The following MYCBP2 variants were observed in gnomAD, a reference collection of about 807,000 sequenced individuals.
MYCBP2 encodes the protein MYC binding protein 2.
Under a neutral mutation model 525.3 loss-of-function variants are expected in MYCBP2, and 120 were observed. That is an observed-to-expected ratio of 0.23 (90% CI 0.20 to 0.27). The LOEUF is 0.27. MYCBP2 is among the 10% of genes least tolerant of loss of function. The pLI, the probability that MYCBP2 is intolerant of heterozygous loss-of-function variation, is 1.00. For synonymous variants in MYCBP2, 1,894 were observed against 1,955.8 expected (o/e 0.97, Z 0.83); for missense variants, 4,149 against 5,657.1 (o/e 0.73, Z 8.55).
chr13:77,097,872 T>A lies in MYCBP2; in HGVS notation c.9282A>T (p.Ser3094=), dbSNP rs2046483902. 1.6e-5 allele frequency: 26 copies of A among 1,613,130 alleles called. No homozygotes were observed. Among genetic ancestry groups the A allele is most frequent in the Non-Finnish European group, 2.2e-5 (26 of 1,179,742 alleles). The stretch of plus-strand genomic sequence containing the variant: ...CAATATTAAACATATTCAGTGCAGA[T>A]GATATTTCTAATGAATGTCTATTTT... ...KLKNRHSLEI[S]SALNMFNIAP... is the part of the protein sequence containing the mutation. Residue 3094 remains serine (S), a synonymous_variant, in exon 56 of 83, where the codon TCA becomes TCT. Coordinates refer to ENST00000544440, the MANE Select transcript of MYCBP2 (RefSeq NM_015057.5).
At chr13:77,235,158 C>T (rs2067719258) in intron 17 of MYCBP2, among the ~76,000 whole-genome samples, 1 of 151,818 alleles carries the variant, frequency 6.6e-6, no homozygotes, top group African/African-American at 2.4e-5. Context: ...GACAAAGATA[C>T]AGGTCTCACT....
intron 1 of MYCBP2, among the ~76,000 whole-genome samples, chr13:77,324,271 C>A (rs889469764): frequency 2.6e-5 from 4 of 152,196 alleles, no homozygotes. Context: ...AATTTTGATT[C>A]CGTTTCCTTC....
At chr13:77,287,531 C>T (rs998967511) in intron 3 of MYCBP2, among the ~76,000 whole-genome samples, 1 of 152,018 alleles carries the variant, frequency 6.6e-6, no homozygotes, top group Non-Finnish European at 1.5e-5. Context: ...AGTTTATATG[C>T]TCCTGGTAAA....
At chr13:77,078,441 A>G (rs2042705412) in intron 66 of MYCBP2, among the ~76,000 whole-genome samples, 1 of 152,232 alleles carries the variant, frequency 6.6e-6, no homozygotes, top group Non-Finnish European at 1.5e-5. Context: ...TATAAGTGTT[A>G]TAACAGACAG....
At chr13:77,097,262 AC>A (rs2046405093) in intron 56 of MYCBP2, 107 bp downstream of exon 56, 2 of 1,408,466 alleles carry the variant, frequency 1.4e-6, no homozygotes, top group South Asian at 3.0e-5. Flanking sequence ...ATTCTAAGAT[AC>A]TATAAATTCC....
At position 77,278,743 on chromosome 13, in the gene MYCBP2, A is replaced by C. The variant is rs2075884740; in HGVS notation, c.748+15T>G. 1.3e-6 allele frequency: 2 copies of C among 1,490,232 alleles called. No individual in the cohort carries two copies. Among genetic ancestry groups the C allele is most frequent in the African/African-American group, 2.9e-5 (2 of 69,722 alleles). The allele number at this position is 1,490,232 out of a possible 1,614,324, so 92.3% of individuals were successfully genotyped here. On this transcript the variant is annotated intron_variant, in intron 4 of 82. Coordinates refer to ENST00000544440, the MANE Select transcript of MYCBP2 (RefSeq NM_015057.5). ...TCACTTTTAAATGCTTCACTGAATG[A>C]GCCTTGGCTCTTACCTAGGACCTCA...
intron 13 of MYCBP2, among the ~76,000 whole-genome samples, chr13:77,259,229 C>T (rs2072798756): frequency 6.6e-6 from 1 of 151,930 alleles, no homozygotes; most frequent in African/African-American, 2.4e-5. Flanking sequence ...TGTGCCACTG[C>T]ACTCCAGCCT....
Position 77,081,665 on chromosome 13 carries a change from ATAT to A in MYCBP2, c.11194-17_11194-15del, listed in dbSNP as rs759474162. The A allele has an allele frequency of 1.3e-6, 2 of 1,587,992 alleles. No homozygotes were observed. Among genetic ancestry groups the A allele is most frequent in the Non-Finnish European group, 1.7e-6 (2 of 1,166,614 alleles). ...TATGCATAATTCCTATCAGAAACAA[ATAT>A]AAGTACTTATGATACTTAAAAGCAA... On this transcript the variant is annotated splice_polypyrimidine_tract_variant and intron_variant, in intron 64 of 82. Transcript: ENST00000544440. The surrounding 1 kb of genome is among the most constrained non-coding windows in gnomAD (Gnocchi z 4.6).
At chr13:77,146,246 C>T (rs181683754) in intron 47 of MYCBP2, 29 bp from the exon 48 acceptor site, 11 of 1,465,796 alleles carry the variant, frequency 7.5e-6, no homozygotes, top group South Asian at 5.3e-5. Flanking sequence ...TCTGAACAAT[C>T]GTAAAATCAT....
At chr13:77,066,600 A>T (rs2040243598) in intron 71 of MYCBP2, among the ~76,000 whole-genome samples, 1 of 152,246 alleles carries the variant, frequency 6.6e-6, no homozygotes, top group East Asian at 1.9e-4. Flanking sequence ...ATCCTTGCAT[A>T]TATACCTTGG....
intron 56 of MYCBP2, 59 bp from the exon 57 acceptor site, chr13:77,096,540 C>T: frequency 6.5e-7 from 1 of 1,540,448 alleles, no homozygotes; most frequent in Non-Finnish European, 8.8e-7. Context: ...TAGTTTGATC[C>T]TTATTACTCA....
At chr13:77,076,699 G>GA (rs1279951963) in intron 68 of MYCBP2, 52 bp downstream of exon 68, 10 of 1,140,436 alleles carry the variant, frequency 8.8e-6, no homozygotes, top group East Asian at 2.6e-5. Context: ...TTATTTCACT[G>GA]AAAAAAAGAA....
chr13:77,160,532 C>A (rs1410267535), intron 44 of MYCBP2, among the ~76,000 whole-genome samples: 1 of 152,148 alleles, frequency 6.6e-6, no homozygotes, highest in Non-Finnish European at 1.5e-5. Flanking sequence ...GGGTACCAGC[C>A]TTTGTTTCCC....
chr13:77,052,029 A>T (rs1594036897), intron 80 of MYCBP2, 111 bp from the exon 81 acceptor site: 4 of 791,532 alleles, frequency 5.1e-6, no homozygotes, highest in Non-Finnish European at 8.5e-6. Flanking sequence ...AAATACCATT[A>T]TCTACTAGAC....
chr13:77,185,778 TG>T, intron 31 of MYCBP2, 92 bp downstream of exon 31: 1 of 915,332 alleles, frequency 1.1e-6, no homozygotes, highest in Non-Finnish European at 1.6e-6. Context: ...TAAATGCAGC[TG>T]GGGGGCATAA....
At chr13:77,307,928 C>T (rs1160448214) in intron 1 of MYCBP2, among the ~76,000 whole-genome samples, 2 of 152,094 alleles carry the variant, frequency 1.3e-5, no homozygotes, top group African/African-American at 4.8e-5. Context: ...CTTTTTCTTC[C>T]TCTTCCTGTC....
At chr13:77,112,071 G>A (rs1186937829) in intron 55 of MYCBP2, among the ~76,000 whole-genome samples, 1 of 151,942 alleles carries the variant, frequency 6.6e-6, no homozygotes, top group Non-Finnish European at 1.5e-5. Context: ...TTTGACATAT[G>A]TTAGCTTTTA....
In MYCBP2 at chr13:77,257,558, A is replaced by G. The variant is rs566590164; in HGVS notation, c.2176+113T>C. 324 of 1,124,572 alleles carry G rather than the reference A, an allele frequency of 2.9e-4. 2 individuals are homozygous for G. In the African/African-American group the frequency reaches 4.4e-3, roughly 15 times the overall value. 69.7% of individuals were successfully genotyped at this position (1,124,572 alleles called of 1,614,324 possible). ...TTAAAAAAAATTTAAATAGGAACAAAAAGAAAAAGAAGAGCCACTCATTTT... is the reference window on the plus strand; with the variant it reads ...TTAAAAAAAATTTAAATAGGAACAAGAAGAAAAAGAAGAGCCACTCATTTT... On this transcript the variant is annotated intron_variant, in intron 14 of 82. Coordinates refer to ENST00000544440, the MANE Select transcript of MYCBP2 (RefSeq NM_015057.5).
chr13:77,137,409 T>C (rs941293017), intron 52 of MYCBP2, among the ~76,000 whole-genome samples: 1 of 152,114 alleles, frequency 6.6e-6, no homozygotes, highest in East Asian at 1.9e-4. Context: ...GAAAAGATAA[T>C]ATAATCTGGA....
Sources: gnomAD v4.1 joint callset for allele counts (sites outside exome capture counted in the v4.1 genomes callset) on GRCh38, gnomAD v4.1.1 for gene constraint, Gnocchi (gnomAD v3.1) non-coding constraint, MANE v1.5 for transcripts, NCBI Gene and HGNC (gene_info 2026-07-23, HGNC 2026-07-21) for gene names.